The following KCNQ3 variants were observed in gnomAD, a reference collection of about 807,000 sequenced individuals.
KCNQ3 encodes potassium voltage-gated channel subfamily KQT member 3.
In KCNQ3, 30 loss-of-function variants were observed where a neutral mutation model predicts 92.5. The ratio of observed to expected loss-of-function variants is 0.32; its 90% CI spans 0.24 to 0.44. The LOEUF (loss-of-function observed/expected upper bound fraction) is 0.44, where lower values mean the gene tolerates loss of function less well. Among genes scored for constraint, KCNQ3 ranks in the 20% least tolerant of loss-of-function variants. The pLI is 1.00. For synonymous variants in KCNQ3, 450 were observed against 468.8 expected (o/e 0.96, Z 0.52); for missense variants, 913 against 1,140.3 (o/e 0.80, Z 2.87).
At chr8:132,377,270 C>A (rs1469691684) in intron 1 of KCNQ3, among the ~76,000 whole-genome samples, 1 of 152,214 alleles carries the variant, frequency 6.6e-6, no homozygotes, top group Non-Finnish European at 1.5e-5. Flanking sequence ...ACTCCTGGTT[C>A]TCAGGCCTTC....
intron 3 of KCNQ3, among the ~76,000 whole-genome samples, chr8:132,180,834 T>TAAAAAAAAAAAA (rs1563791356): frequency 1.3e-4 from 4 of 29,914 alleles, no homozygotes; most frequent in Admixed American, 3.6e-4. Context: ...AGAGAGAATG[T>TAAAAAAAAAAAA]TAAAAAAAAA....
chr8:132,236,038 GCTT>G (rs1488298844), intron 1 of KCNQ3, among the ~76,000 whole-genome samples: 1 of 152,166 alleles, frequency 6.6e-6, no homozygotes, highest in African/African-American at 2.4e-5. Flanking sequence ...TGATAAATGG[GCTT>G]CTTTTCTGGA....
chr8:132,238,664 G>A (rs1034392290), intron 1 of KCNQ3, among the ~76,000 whole-genome samples: 1 of 151,056 alleles, frequency 6.6e-6, no homozygotes, highest in Non-Finnish European at 1.5e-5. Context: ...CCTTCTTGTC[G>A]CCTGGCTTCT....
intron 9 of KCNQ3, among the ~76,000 whole-genome samples, chr8:132,161,810 G>T (rs992360998): frequency 6.6e-6 from 1 of 152,156 alleles, no homozygotes; most frequent in African/African-American, 2.4e-5. Context: ...GTAGTCACTT[G>T]GTTCCCCGCC....
intron 1 of KCNQ3, among the ~76,000 whole-genome samples, chr8:132,478,133 C>G (rs1277296899): frequency 6.6e-6 from 1 of 152,190 alleles, no homozygotes; most frequent in Non-Finnish European, 1.5e-5. Flanking sequence ...CTCACAAAGT[C>G]TTAAATTTTC....
At chr8:132,460,043 C>T (rs1487681777) in intron 1 of KCNQ3, among the ~76,000 whole-genome samples, 4 of 152,168 alleles carry the variant, frequency 2.6e-5, no homozygotes, top group Non-Finnish European at 5.9e-5. Context: ...TTGACATACT[C>T]CCATCAATAT....
intron 1 of KCNQ3, among the ~76,000 whole-genome samples, chr8:132,353,711 G>C (rs747707628): frequency 1.2e-4 from 18 of 152,126 alleles, no homozygotes; most frequent in South Asian, 8.3e-4. Flanking sequence ...CTACTCAGGA[G>C]GCTGAGGCAG....
At chr8:132,364,974 T>G (rs1442494033) in intron 1 of KCNQ3, among the ~76,000 whole-genome samples, 1 of 152,090 alleles carries the variant, frequency 6.6e-6, no homozygotes, top group Non-Finnish European at 1.5e-5. Context: ...ATCATAGAGC[T>G]AGGAAGTGGT....
At chr8:132,192,276 A>G (rs372938717) in intron 1 of KCNQ3, among the ~76,000 whole-genome samples, 73 of 152,366 alleles carry the variant, frequency 4.8e-4, no homozygotes, top group African/African-American at 1.7e-3. Context: ...TTTCTAAGAC[A>G]GGAGAACAAT....
chr8:132,180,460 T>C, intron 3 of KCNQ3, 131 bp from the exon 4 acceptor site: 2 of 897,778 alleles, frequency 2.2e-6, no homozygotes, highest in Non-Finnish European at 3.5e-6. Context: ...TGAGCACTGC[T>C]GTTGAATCTT....
chr8:132,218,741 G>A (rs969001512), intron 1 of KCNQ3, among the ~76,000 whole-genome samples: 1 of 152,132 alleles, frequency 6.6e-6, no homozygotes, highest in African/African-American at 2.4e-5. Context: ...AATATTCCTG[G>A]AAATAGTCAA....
intron 6 of KCNQ3, 129 bp downstream of exon 6, chr8:132,174,110 T>G (rs575991819): frequency 1.3e-6 from 1 of 747,964 alleles, no homozygotes; most frequent in South Asian, 1.5e-5. Flanking sequence ...ATCATCATGC[T>G]TAAGGGAATG....
At chr8:132,161,306 TA>T (rs2130067022) in intron 9 of KCNQ3, among the ~76,000 whole-genome samples, 1 of 152,306 alleles carries the variant, frequency 6.6e-6, no homozygotes, top group Non-Finnish European at 1.5e-5. Context: ...GGCGATAAGA[TA>T]AACTCCAAAT....
rs775418345 is a variant in KCNQ3, at chr8:132,140,035, G to C, written c.1568+41C>G. On this transcript the variant is annotated intron_variant, in intron 11 of 14. Transcript: ENST00000388996. ...TTCCTGTGGGAGTTGAGCTGGAGCG[G>C]GGGAGGCACACAGGCACAGGTGGGA... 3.0e-6 allele frequency: 4 copies of C among 1,348,452 alleles called. No homozygotes were observed. In the South Asian group the frequency reaches 4.1e-5, roughly 14 times the overall value. 83.5% of individuals were successfully genotyped at this position (1,348,452 alleles called of 1,614,324 possible). A position where few individuals can be genotyped will look rare whatever the true frequency, so the allele number is the denominator to read the frequency against.
intron 1 of KCNQ3, among the ~76,000 whole-genome samples, chr8:132,397,714 C>A (rs57585423): frequency 0.065 from 9,840 of 152,198 alleles, 364 homozygotes; most frequent in South Asian, 0.15. Context: ...TTTGAAAAGT[C>A]TTTTCCCTTC....
At chr8:132,374,590 C>T (rs968768474) in intron 1 of KCNQ3, among the ~76,000 whole-genome samples, 16 of 152,262 alleles carry the variant, frequency 1.1e-4, no homozygotes, top group African/African-American at 1.7e-4. Flanking sequence ...ACTCGTGTTA[C>T]GGGAGTTTGT....
intron 1 of KCNQ3, among the ~76,000 whole-genome samples, chr8:132,255,733 C>A (rs1206796703): frequency 6.6e-6 from 1 of 152,186 alleles, no homozygotes; most frequent in Non-Finnish European, 1.5e-5. Context: ...GAATTTAAGA[C>A]AATTCCTGTC....
chr8:132,247,985 T>C (rs1270804132), intron 1 of KCNQ3, among the ~76,000 whole-genome samples: 4 of 149,270 alleles, frequency 2.7e-5, no homozygotes, highest in African/African-American at 7.4e-5. Flanking sequence ...ATTATCCCTA[T>C]AGTATAGAGG....
rs558948635 is a variant in KCNQ3 at position 132,408,485 on chromosome 8, C to T, written c.386+71662G>A. 2.0e-5 allele frequency among the ~76,000 whole-genome samples: 3 copies of T among 152,328 alleles called. No homozygotes were observed. In the East Asian group the frequency reaches 5.8e-4, roughly 29 times the overall value. On this transcript the variant is annotated intron_variant, in intron 1 of 14. Transcript: ENST00000388996. ...TGAATTAAACATGGGCCCTGCTACG[C>T]TAGGCAGACTTGTAAGATCTCCTCC...
Sources: allele counts gnomAD v4.1 joint callset (sites outside exome capture counted in the v4.1 genomes callset), GRCh38; gene constraint gnomAD v4.1.1; transcripts MANE v1.5; gene names NCBI Gene and HGNC (gene_info 2026-07-23, HGNC 2026-07-21).